Variants in KCNQ3 observed in about 807,000 individuals in gnomAD.
The protein encoded by KCNQ3 is potassium voltage-gated channel subfamily KQT member 3.
A neutral mutation model predicts 92.5 loss-of-function variants in KCNQ3; 30 were observed. The ratio of observed to expected loss-of-function variants is 0.32; its 90% CI spans 0.24 to 0.44. KCNQ3 has a LOEUF of 0.44. Ranked by LOEUF, KCNQ3 falls within the 20% of genes least tolerant of loss-of-function variation. The probability of loss-of-function intolerance (pLI) is 1.00; values close to 1 mark genes in which losing one functional copy is unlikely to be tolerated. For synonymous variants in KCNQ3, 450 were observed against 468.8 expected, an observed-to-expected ratio of 0.96 and a Z score of 0.52; for missense variants, 913 against 1,140.3, an observed-to-expected ratio of 0.80 and a Z score of 2.87.
intron 1 of KCNQ3, among the ~76,000 whole-genome samples, chr8:132,358,546 G>A (rs1456364923): frequency 6.6e-6 from 1 of 152,132 alleles, no homozygotes; most frequent in Non-Finnish European, 1.5e-5. Flanking sequence ...AAACTCTGAT[G>A]AAGCTGAACA....
chr8:132,460,951 T>G (rs1822047285), intron 1 of KCNQ3, among the ~76,000 whole-genome samples: 1 of 152,238 alleles, frequency 6.6e-6, no homozygotes, highest in Non-Finnish European at 1.5e-5. Context: ...AAGTTTTGCT[T>G]TCTCTACAAT....
intron 1 of KCNQ3, among the ~76,000 whole-genome samples, chr8:132,478,629 GAC>G (rs34798998): frequency 0.35 from 53,332 of 150,698 alleles, 10,257 homozygotes; most frequent in African/African-American, 0.52. Context: ...CCTGCAAATA[GAC>G]ACACACACAC....
At chr8:132,345,417 G>A (rs542503666) in intron 1 of KCNQ3, among the ~76,000 whole-genome samples, 5 of 152,336 alleles carry the variant, frequency 3.3e-5, no homozygotes, top group South Asian at 4.1e-4. Flanking sequence ...AGCCTACTCC[G>A]TGCAAGGCCT....
At chr8:132,357,807 C>G (rs573813364) in intron 1 of KCNQ3, among the ~76,000 whole-genome samples, 2 of 152,328 alleles carry the variant, frequency 1.3e-5, no homozygotes, top group African/African-American at 4.8e-5. Flanking sequence ...ACTGGTCCAT[C>G]TCAACCTATG....
intron 1 of KCNQ3, among the ~76,000 whole-genome samples, chr8:132,421,248 T>C (rs2673614): frequency 0.25 from 37,783 of 152,078 alleles, 4,910 homozygotes; most frequent in East Asian, 0.27. Flanking sequence ...TTCATGCATG[T>C]GAGGGGCACA....
chr8:132,386,379 A>G (rs1453578245), intron 1 of KCNQ3, among the ~76,000 whole-genome samples: 2 of 152,206 alleles, frequency 1.3e-5, no homozygotes, highest in Non-Finnish European at 2.9e-5. Context: ...AAACATAGAC[A>G]AATAAAATTT....
At chr8:132,288,041 T>A (rs753662993) in intron 1 of KCNQ3, among the ~76,000 whole-genome samples, 2 of 152,238 alleles carry the variant, frequency 1.3e-5, no homozygotes, top group Non-Finnish European at 2.9e-5. Context: ...GTTCACTATT[T>A]CCTTCTTCTT....
rs1822538597 is a variant in KCNQ3 at position 132,480,632 on chromosome 8, C to A, written c.-100G>T. 8.6e-7 allele frequency: 1 copy of A among 1,164,526 alleles called. No homozygotes were observed. The highest frequency in any genetic ancestry group is 1.1e-6 in the Non-Finnish European group (1 of 924,498). The allele number at this position is 1,164,526 out of a possible 1,614,324, so 72.1% of individuals were successfully genotyped here. A position where few individuals can be genotyped will look rare whatever the true frequency, so the allele number is the denominator to read the frequency against. On this transcript the variant is annotated 5_prime_UTR_variant, in exon 1 of 15. Transcript: ENST00000388996. ...CGAGGCGGCGGCGGCGGCTGCAAGC[C>A]CGGGAACTCCAATGCCATGATCCGC...
chr8:132,324,729 C>A (rs536931199), intron 1 of KCNQ3, among the ~76,000 whole-genome samples: 3 of 152,218 alleles, frequency 2.0e-5, no homozygotes, highest in African/African-American at 7.2e-5. Flanking sequence ...AGTAGATCAG[C>A]CCCATTTTTA....
chr8:132,409,156 G>A (rs1437910930), intron 1 of KCNQ3, among the ~76,000 whole-genome samples: 1 of 152,160 alleles, frequency 6.6e-6, no homozygotes, highest in Non-Finnish European at 1.5e-5. Flanking sequence ...ATGCTATATT[G>A]TTTTCAAGAC....
chr8:132,187,310 C>A, intron 1 of KCNQ3: 1 of 454,316 alleles, frequency 2.2e-6, no homozygotes, highest in Non-Finnish European at 4.4e-6. Context: ...CACGAGCTCA[C>A]AGTCCAGATA....
chr8:132,469,010 C>G (rs968693880), intron 1 of KCNQ3, among the ~76,000 whole-genome samples: 1 of 152,208 alleles, frequency 6.6e-6, no homozygotes, highest in Non-Finnish European at 1.5e-5. Flanking sequence ...AACAAGGCTA[C>G]AATGTGGATG....
chr8:132,139,862 T>C (rs953009447), intron 11 of KCNQ3, among the ~76,000 whole-genome samples: 4 of 152,158 alleles, frequency 2.6e-5, no homozygotes, highest in Non-Finnish European at 5.9e-5. Context: ...GGCAGGTACC[T>C]ACGAGTCACC....
intron 1 of KCNQ3, among the ~76,000 whole-genome samples, chr8:132,453,369 A>C (rs1821865653): frequency 6.6e-6 from 1 of 152,218 alleles, no homozygotes; most frequent in Non-Finnish European, 1.5e-5. Flanking sequence ...ATGGATGGGT[A>C]AGAGCAGAAG....
intron 10 of KCNQ3, 43 bp from the exon 11 acceptor site, chr8:132,140,221 GA>G: frequency 6.7e-7 from 1 of 1,484,332 alleles, no homozygotes; most frequent in Non-Finnish European, 9.4e-7. Flanking sequence ...CACAGACCTG[GA>G]AAAGGCTTGG....
At chr8:132,285,719 A>G (rs1303929348) in intron 1 of KCNQ3, among the ~76,000 whole-genome samples, 2 of 152,204 alleles carry the variant, frequency 1.3e-5, no homozygotes, top group Non-Finnish European at 2.9e-5. Flanking sequence ...GGTAATACTC[A>G]TCAAAACTAT....
chr8:132,245,173 T>G (rs1251731908), intron 1 of KCNQ3, among the ~76,000 whole-genome samples: 1 of 152,178 alleles, frequency 6.6e-6, no homozygotes, highest in Non-Finnish European at 1.5e-5. Context: ...CTCAGTTCTT[T>G]CATTTGCAAA....
intron 1 of KCNQ3, among the ~76,000 whole-genome samples, chr8:132,194,320 C>T (rs977086142): frequency 2.0e-5 from 3 of 152,200 alleles, no homozygotes; most frequent in African/African-American, 7.2e-5. Context: ...AGTGACAGAC[C>T]TCAAACTGCG....
chr8:132,204,522 G>A (rs966116321), intron 1 of KCNQ3, among the ~76,000 whole-genome samples: 4 of 152,132 alleles, frequency 2.6e-5, no homozygotes, highest in Non-Finnish European at 5.9e-5. Context: ...CCTGGCCTTG[G>A]CTGGGCATCA....
Sources: allele counts gnomAD v4.1 joint callset (sites outside exome capture counted in the v4.1 genomes callset), GRCh38; gene constraint gnomAD v4.1.1; transcripts MANE v1.5; gene names NCBI Gene and HGNC (gene_info 2026-07-23, HGNC 2026-07-21).